SLC9B1: variants seen among roughly 807,000 people sequenced by gnomAD.
The protein encoded by SLC9B1 is sodium/hydrogen exchanger 9B1.
Under a neutral mutation model 51.7 loss-of-function variants are expected in SLC9B1, and 32 were observed. The ratio of observed to expected loss-of-function variants is 0.62; its 90% CI spans 0.47 to 0.83. The LOEUF (loss-of-function observed/expected upper bound fraction) is 0.83. Among genes scored for constraint, SLC9B1 ranks in the 40% least tolerant of loss-of-function variants. SLC9B1 has a pLI of 0.00. For missense variants in SLC9B1, 406 were observed against 613.2 expected, an observed-to-expected ratio of 0.66 and a Z score of 3.57; for synonymous variants, 145 against 212.7, an observed-to-expected ratio of 0.68 and a Z score of 2.77.
Position 102,991,634 on chromosome 4 carries a change from A to G in SLC9B1, c.69+9T>C. 1 of 1,557,992 alleles carries G rather than the reference A, an allele frequency of 6.4e-7. No individual in the cohort carries two copies. ...TATCATATATTACAGTATACTTTTA[A>G]GTTTTTACCTGAGGAGTTGTAGATG... On this transcript the variant is annotated intron_variant, in intron 2 of 11. Coordinates refer to ENST00000296422, the MANE Select transcript of SLC9B1 (RefSeq NM_139173.4).
intron 7 of SLC9B1, among the ~76,000 whole-genome samples, chr4:102,924,047 A>G (rs1736025905): frequency 6.6e-6 from 1 of 152,206 alleles, no homozygotes; most frequent in South Asian, 2.1e-4. Context: ...ACAGAATTGG[A>G]AAAAACTACT....
At chr4:102,961,957 T>A in intron 3 of SLC9B1, 1 of 251,342 alleles carries the variant, frequency 4.0e-6, no homozygotes, top group Non-Finnish European at 7.8e-6. Context: ...ATTCCAAGCA[T>A]GGCGGGGTTC....
At chr4:102,980,764 G>A (rs1739310939) in intron 3 of SLC9B1, among the ~76,000 whole-genome samples, 2 of 151,880 alleles carry the variant, frequency 1.3e-5, no homozygotes, top group Admixed American at 6.6e-5. Context: ...AAAAAATCCC[G>A]GCTCCCACAC....
downstream of SLC9B1, chr4:102,898,141 G>A (rs1244188778): frequency 5.9e-6 from 3 of 511,024 alleles, no homozygotes; most frequent in Admixed American, 2.0e-5. Context: ...GAGCCTCGCT[G>A]TACTAAGGTT....
At position 102,927,917 on chromosome 4, in the gene SLC9B1, C is replaced by G. The variant is rs1274184636; in HGVS notation, c.829+4207G>C. Among the ~76,000 whole-genome samples, 3 of 152,182 alleles carry G rather than the reference C, an allele frequency of 2.0e-5. No homozygotes were observed. The East Asian group carries it at 5.8e-4, about 29-fold the overall frequency. The stretch of plus-strand genomic sequence containing the variant: ...ATCATAAAAAAGGATGAGTTCATGT[C>G]CTTTGCAGGGAGATAGATGAAGCTG... On this transcript the variant is annotated intron_variant, in intron 7 of 11. Transcript: ENST00000296422.
chr4:103,010,906 T>C (rs1040055830), intron 1 of SLC9B1, among the ~76,000 whole-genome samples: 2 of 152,190 alleles, frequency 1.3e-5, no homozygotes, highest in African/African-American at 4.8e-5. Context: ...ATTTTGCCCC[T>C]TCCCCCACAA....
chr4:102,956,928 C>A (rs939910094), intron 3 of SLC9B1, among the ~76,000 whole-genome samples: 1 of 151,784 alleles, frequency 6.6e-6, no homozygotes, highest in Non-Finnish European at 1.5e-5. Flanking sequence ...TAAATATGTT[C>A]AAATTAAAAA....
intron 3 of SLC9B1, among the ~76,000 whole-genome samples, chr4:102,959,235 T>TACACACAC (rs34697499): frequency 1.3e-5 from 2 of 149,346 alleles, no homozygotes; most frequent in Non-Finnish European, 3.0e-5. Flanking sequence ...CATATATATA[T>TACACACAC]ACACACACAC....
At chr4:102,974,177 C>T (rs1244322310) in intron 3 of SLC9B1, among the ~76,000 whole-genome samples, 9 of 132,602 alleles carry the variant, frequency 6.8e-5, no homozygotes, top group Non-Finnish European at 1.2e-4. Flanking sequence ...GCAGAGGTTG[C>T]AGTGAGCCGA....
chr4:102,898,815 C>T (rs1734657229), downstream of SLC9B1, among the ~76,000 whole-genome samples: 1 of 152,238 alleles, frequency 6.6e-6, no homozygotes. Context: ...GCAACCTTTG[C>T]CTCCCAGGTT....
chr4:102,954,960 T>G (rs1737707200), intron 3 of SLC9B1, among the ~76,000 whole-genome samples: 1 of 152,206 alleles, frequency 6.6e-6, no homozygotes, highest in Non-Finnish European at 1.5e-5. Context: ...TTCAGGACCC[T>G]GAAAACTCAT....
chr4:103,004,678 C>G (rs2110533535), intron 1 of SLC9B1, among the ~76,000 whole-genome samples: 1 of 152,176 alleles, frequency 6.6e-6, no homozygotes, highest in African/African-American at 2.4e-5. Flanking sequence ...TTAAAGGCAG[C>G]TAGAGAAAAG....
intron 9 of SLC9B1, among the ~76,000 whole-genome samples, chr4:102,909,885 A>G (rs1735255124): frequency 2.0e-5 from 3 of 151,880 alleles, no homozygotes; most frequent in Non-Finnish European, 4.4e-5. Context: ...GTGCAATGGC[A>G]TGATCTTGGC....
At chr4:102,963,908 T>C (rs1308024211) in intron 3 of SLC9B1, among the ~76,000 whole-genome samples, 1 of 150,370 alleles carries the variant, frequency 6.7e-6, no homozygotes, top group Non-Finnish European at 1.5e-5. Flanking sequence ...TAGAAAAAGA[T>C]GAGTAAACCA....
At chr4:102,885,455 C>T in intron 11 of SLC9B1, 2 of 1,593,298 alleles carry the variant, frequency 1.3e-6, no homozygotes, top group Non-Finnish European at 1.7e-6. Context: ...TACGTGTACA[C>T]TAAAATTTTG....
intron 7 of SLC9B1, among the ~76,000 whole-genome samples, chr4:102,925,935 G>A (rs1736145455): frequency 6.6e-6 from 1 of 152,098 alleles, no homozygotes; most frequent in Non-Finnish European, 1.5e-5. Flanking sequence ...TGCAAGGCTG[G>A]TTCAACATAT....
At chr4:102,955,374 T>G (rs758466143) in intron 3 of SLC9B1, among the ~76,000 whole-genome samples, 4 of 152,150 alleles carry the variant, frequency 2.6e-5, no homozygotes, top group Non-Finnish European at 5.9e-5. Flanking sequence ...TTCCCAGTCT[T>G]GGGTATGTCT....
intron 11 of SLC9B1, among the ~76,000 whole-genome samples, chr4:102,902,803 ATTAT>A (rs1228344840): frequency 2.0e-5 from 3 of 152,164 alleles, no homozygotes; most frequent in Non-Finnish European, 4.4e-5. Context: ...TGTAAACTAA[ATTAT>A]TTATTTACTC....
At chr4:102,920,698 G>C (rs1578347071) in intron 7 of SLC9B1, among the ~76,000 whole-genome samples, 1 of 152,202 alleles carries the variant, frequency 6.6e-6, no homozygotes, top group Non-Finnish European at 1.5e-5. Context: ...AGAATAAACA[G>C]TGTAGAGAAG....
Sources: gnomAD v4.1 joint callset for allele counts (sites outside exome capture counted in the v4.1 genomes callset) on GRCh38, gnomAD v4.1.1 for gene constraint, MANE v1.5 for transcripts, NCBI Gene and HGNC (gene_info 2026-07-23, HGNC 2026-07-21) for gene names.